Variants in ATP8A2 observed in about 807,000 individuals in gnomAD.
ATP8A2 encodes phospholipid-transporting ATPase IB.
Under a neutral mutation model 165.6 loss-of-function variants are expected in ATP8A2, and 100 were observed. That is an observed-to-expected ratio of 0.60 (90% confidence interval 0.51 to 0.71). The LOEUF (loss-of-function observed/expected upper bound fraction) is 0.71, where lower values mean the gene tolerates loss of function less well. ATP8A2 is among the 30% of genes least tolerant of loss of function. ATP8A2 has a pLI of 0.00. For synonymous variants in ATP8A2, 543 were observed against 548.8 expected (o/e 0.99, Z 0.15); for missense variants, 1,227 against 1,479.5 (o/e 0.83, Z 2.80).
chr13:25,795,187 A>G (rs764744136), intron 27 of ATP8A2, among the ~76,000 whole-genome samples: 2 of 152,212 alleles, frequency 1.3e-5, no homozygotes, highest in East Asian at 1.9e-4. Context: ...CAATTTTCTC[A>G]TTCCTGAGAG....
chr13:25,699,537 T>C (rs918321225), intron 25 of ATP8A2, among the ~76,000 whole-genome samples, 192 bp downstream of exon 25: 14 of 152,358 alleles, frequency 9.2e-5, no homozygotes, highest in African/African-American at 3.1e-4. Flanking sequence ...TTTACATTTT[T>C]GTTTTGTTTA....
chr13:25,582,071 A>AC (rs1274440791), intron 23 of ATP8A2, 114 bp downstream of exon 23: 2 of 1,078,526 alleles, frequency 1.9e-6, no homozygotes, highest in Non-Finnish European at 2.6e-6. Context: ...GTTTTATAGG[A>AC]ATCTTCATTC....
intron 33 of ATP8A2, among the ~76,000 whole-genome samples, chr13:25,898,433 C>A (rs1203979195): frequency 1.3e-5 from 2 of 152,184 alleles, no homozygotes; most frequent in Non-Finnish European, 2.9e-5. Context: ...TCAGTCCGCC[C>A]CTACTGGGGG....
rs369308423 is a variant in ATP8A2 at position 25,377,856 on chromosome 13, C to T, written c.76+5568C>T. ...TTGAATGGCCAAGCCTGTTGGCTCA[C>T]GTGTGTAATCTCAGCACTTTGGGAG... On this transcript the variant is annotated intron_variant, in intron 1 of 36. Transcript: ENST00000381655. Among the ~76,000 whole-genome samples the T allele has an allele frequency of 5.9e-5, 9 of 151,706 alleles. No individual in the cohort carries two copies. The East Asian group carries it at 7.8e-4, about 13-fold the overall frequency.
rs566168567 is a variant in ATP8A2, at chr13:25,913,098, C to A, written c.3184-48477C>A. 5.3e-5 allele frequency among the ~76,000 whole-genome samples: 8 copies of A among 152,310 alleles called. No homozygotes were observed. The South Asian group carries it at 1.7e-3, about 32-fold the overall frequency. On this transcript the variant is annotated intron_variant, in intron 33 of 36. Transcript: ENST00000381655. ...ATCGCAGAGCAAAGTGAGCTGATCTCATGTTATTCCATACAGTGCCAGATA... is the reference window on the plus strand; with the variant it reads ...ATCGCAGAGCAAAGTGAGCTGATCTAATGTTATTCCATACAGTGCCAGATA...
chr13:25,614,724 C>T (rs149532128), intron 24 of ATP8A2, among the ~76,000 whole-genome samples: 1 of 152,146 alleles, frequency 6.6e-6, no homozygotes, highest in African/African-American at 2.4e-5. Flanking sequence ...CCGCCTTTTC[C>T]TAGGCATGGG....
At position 25,574,864 on chromosome 13, in the gene ATP8A2, TTC is replaced by T. The variant is rs757255247; in HGVS notation, c.1712+11_1712+12del. 4.1e-6 allele frequency: 6 copies of T among 1,452,750 alleles called. No individual in the cohort carries two copies. Among genetic ancestry groups the T allele is most frequent in the Non-Finnish European group, 5.8e-6 (6 of 1,034,984 alleles). 90.0% of individuals were successfully genotyped at this position (1,452,750 alleles called of 1,614,324 possible). On this transcript the variant is annotated splice_region_variant and intron_variant, in intron 19 of 36. Transcript: ENST00000381655. ...ATGTCCTGGAATTTTCTAGGTATGTTTCTCTTTCATACGTTTGAAATAAAATA... is the reference window on the plus strand; with the variant it reads ...ATGTCCTGGAATTTTCTAGGTATGTTTCTTTCATACGTTTGAAATAAAATA...
Position 25,717,525 on chromosome 13 carries a change from A to G in ATP8A2, c.2384+18180A>G, listed in dbSNP as rs138085293. Among the ~76,000 whole-genome samples, 11 of 152,088 alleles carry G rather than the reference A, an allele frequency of 7.2e-5. No individual in the cohort carries two copies. The East Asian group carries it at 2.1e-3, about 29-fold the overall frequency. On this transcript the variant is annotated intron_variant, in intron 25 of 36. Coordinates refer to ENST00000381655, the MANE Select transcript of ATP8A2 (RefSeq NM_016529.6). ...GTCACTTACCCTAGATCACAAAACT[A>G]TGAAACTGGGTAAGTGGTGGTGCCA...
At chr13:25,554,909 A>G in intron 12 of ATP8A2, 82 bp from the exon 13 acceptor site, 1 of 932,748 alleles carries the variant, frequency 1.1e-6, no homozygotes, top group Non-Finnish European at 1.7e-6. Flanking sequence ...ACCCATTCTT[A>G]GCTTCTTTTC....
intron 2 of ATP8A2, among the ~76,000 whole-genome samples, chr13:25,506,528 T>A (rs7334081): frequency 6.6e-6 from 1 of 152,032 alleles, no homozygotes; most frequent in Non-Finnish European, 1.5e-5. Flanking sequence ...GATGTACCCA[T>A]TTGGAAACCC....
rs1249313269 is a variant in ATP8A2, at chr13:25,567,234, T to G, written c.1473+3203T>G. ...GACGTTTTGGGGTTTTGACTGTTCA[T>G]CCCACACTCTTCTTGAGCCTGTCCT... On this transcript the variant is annotated intron_variant, in intron 16 of 36. Coordinates refer to ENST00000381655, the MANE Select transcript of ATP8A2 (RefSeq NM_016529.6). 3 of 447,356 alleles carry G rather than the reference T, an allele frequency of 6.7e-6. No homozygotes were observed. The Admixed American group carries it at 7.2e-5, about 11-fold the overall frequency. 27.7% of individuals were successfully genotyped at this position (447,356 alleles called of 1,614,324 possible). A position where few individuals can be genotyped will look rare whatever the true frequency, so the allele number is the denominator to read the frequency against.
At chr13:25,899,456 T>C (rs945920763) in intron 33 of ATP8A2, among the ~76,000 whole-genome samples, 5 of 152,212 alleles carry the variant, frequency 3.3e-5, no homozygotes, top group Non-Finnish European at 5.9e-5. Flanking sequence ...TATACTCTCC[T>C]GAAAATATAC....
intron 24 of ATP8A2, among the ~76,000 whole-genome samples, chr13:25,603,604 G>A (rs755234458): frequency 2.0e-5 from 3 of 152,154 alleles, no homozygotes; most frequent in Non-Finnish European, 4.4e-5. Flanking sequence ...GGCAGAAGAT[G>A]ATGGGGGTGT....
At chr13:25,678,697 T>TC (rs2042422043) in intron 24 of ATP8A2, among the ~76,000 whole-genome samples, 2 of 152,172 alleles carry the variant, frequency 1.3e-5, no homozygotes, top group South Asian at 4.1e-4. Flanking sequence ...GCAGGATAGC[T>TC]GGAAAGCCCT....
At chr13:25,913,103 T>G (rs1954166417) in intron 33 of ATP8A2, among the ~76,000 whole-genome samples, 1 of 152,242 alleles carries the variant, frequency 6.6e-6, no homozygotes, top group Admixed American at 6.5e-5. Context: ...GATCTCATGT[T>G]ATTCCATACA....
At chr13:25,950,191 T>C (rs945757853) in intron 33 of ATP8A2, among the ~76,000 whole-genome samples, 1 of 152,308 alleles carries the variant, frequency 6.6e-6, no homozygotes, top group East Asian at 1.9e-4. Flanking sequence ...AGGGGCGATA[T>C]ACTGTTTCTC....
At chr13:26,009,545 AC>A (rs1956802558) in intron 35 of ATP8A2, among the ~76,000 whole-genome samples, 1 of 152,110 alleles carries the variant, frequency 6.6e-6, no homozygotes, top group African/African-American at 2.4e-5. Flanking sequence ...TATATGGTCT[AC>A]TTTTAGGGGG....
At chr13:25,944,206 T>C (rs1051242522) in intron 33 of ATP8A2, among the ~76,000 whole-genome samples, 1 of 152,234 alleles carries the variant, frequency 6.6e-6, no homozygotes, top group South Asian at 2.1e-4. Context: ...CATTGTCTGT[T>C]AGGCATATAG....
intron 33 of ATP8A2, among the ~76,000 whole-genome samples, chr13:25,880,091 T>G (rs894804882): frequency 6.6e-6 from 1 of 152,218 alleles, no homozygotes; most frequent in Non-Finnish European, 1.5e-5. Context: ...TGGAGTGGCC[T>G]GTCCATGGGG....
Sources: allele counts gnomAD v4.1 joint callset (sites outside exome capture counted in the v4.1 genomes callset), GRCh38; gene constraint gnomAD v4.1.1; transcripts MANE v1.5; gene names NCBI Gene and HGNC (gene_info 2026-07-23, HGNC 2026-07-21).